MSH3: variants seen among roughly 807,000 people sequenced by gnomAD.
MSH3 encodes mutS homolog 3.
Under a neutral mutation model 123.3 loss-of-function variants are expected in MSH3, and 106 were observed. The ratio of observed to expected loss-of-function variants is 0.86; its 90% confidence interval spans 0.73 to 1.01. MSH3 has a LOEUF of 1.01. Among genes scored for constraint, MSH3 ranks in the 50% least tolerant of loss-of-function variants. The pLI, the probability that MSH3 is intolerant of heterozygous loss-of-function variation, is 0.00. For missense variants in MSH3, 1,459 were observed against 1,347.6 expected (o/e 1.08, Z -1.29); for synonymous variants, 515 against 481.4 (o/e 1.07, Z -0.91).
chr5:80,726,109 A>G (rs1205809854), intron 9 of MSH3, among the ~76,000 whole-genome samples: 1 of 152,220 alleles, frequency 6.6e-6, no homozygotes, highest in Non-Finnish European at 1.5e-5. Flanking sequence ...TATTTTAGGT[A>G]ATCATTATTT....
chr5:80,693,396 C>T lies in MSH3; in HGVS notation c.1340+14303C>T, dbSNP rs182980345. Among the ~76,000 whole-genome samples the T allele has an allele frequency of 3.4e-5, 2 of 58,044 alleles. 1 individual carries two copies. The highest frequency in any genetic ancestry group is 1.7e-4 in the African/African-American group (2 of 11,724). 38.1% of individuals were successfully genotyped at this position (58,044 alleles called of 152,430 possible). ...ACATGTATATGTTTATATAGATATA[C>T]ATGCACATGTATATGTTTATATAGA... On this transcript the variant is annotated intron_variant, in intron 8 of 23. Transcript: ENST00000265081.
In MSH3 at chr5:80,677,906, T is replaced by C. The variant is rs73765860; in HGVS notation, c.1174-1021T>C. Among the ~76,000 whole-genome samples the C allele has an allele frequency of 2.3e-3, 343 of 152,360 alleles. 2 individuals carry two copies. Among genetic ancestry groups the C allele is most frequent in the African/African-American group, 6.6e-3 (276 of 41,590 alleles). On this transcript the variant is annotated intron_variant, in intron 7 of 23. Coordinates refer to ENST00000265081, the MANE Select transcript of MSH3 (RefSeq NM_002439.5). ...CCTGTTGATGGACATGTGCATTCTT[T>C]CTAGTTTACAGTTGTACAGAGAATG...
intron 20 of MSH3, among the ~76,000 whole-genome samples, chr5:80,836,526 G>C (rs245377): frequency 0.29 from 36,108 of 126,458 alleles, 4,781 homozygotes; most frequent in East Asian, 0.35. Flanking sequence ...TGTCACATCA[G>C]CTCTTTGAAT....
chr5:80,768,632 A>G (rs1301836547), intron 14 of MSH3, among the ~76,000 whole-genome samples: 1 of 152,182 alleles, frequency 6.6e-6, no homozygotes. Flanking sequence ...GGAATCATGA[A>G]GTTAAAAAGC....
chr5:80,837,980 A>G (rs1423179278), intron 20 of MSH3, among the ~76,000 whole-genome samples: 2 of 152,228 alleles, frequency 1.3e-5, no homozygotes, highest in Non-Finnish European at 2.9e-5. Flanking sequence ...CTCAGCTCCT[A>G]GAGGATGCTT....
chr5:80,873,712 C>A (rs1746261637), intron 23 of MSH3, among the ~76,000 whole-genome samples: 1 of 152,110 alleles, frequency 6.6e-6, no homozygotes, highest in Admixed American at 6.5e-5. Flanking sequence ...ACATAACAGG[C>A]AATCACAGTC....
chr5:80,730,765 T>C (rs1300628915), intron 10 of MSH3, among the ~76,000 whole-genome samples: 1 of 151,914 alleles, frequency 6.6e-6, no homozygotes, highest in African/African-American at 2.4e-5. Context: ...TTTGTGTTCC[T>C]GTATCACCAA....
intron 19 of MSH3, among the ~76,000 whole-genome samples, chr5:80,798,223 T>C (rs1744732485): frequency 6.6e-6 from 1 of 152,052 alleles, no homozygotes; most frequent in African/African-American, 2.4e-5. Context: ...TGGGGCAGGG[T>C]AGACATTGAG....
At chr5:80,827,144 A>G (rs1745332129) in intron 20 of MSH3, among the ~76,000 whole-genome samples, 1 of 152,240 alleles carries the variant, frequency 6.6e-6, no homozygotes, top group African/African-American at 2.4e-5. Flanking sequence ...AAAGCAATGA[A>G]TTATTAAGTC....
intron 9 of MSH3, among the ~76,000 whole-genome samples, chr5:80,727,647 C>T (rs977820966): frequency 2.0e-5 from 3 of 152,072 alleles, no homozygotes; most frequent in African/African-American, 7.2e-5. Flanking sequence ...GGGATTTATT[C>T]GTTCAGCTAA....
intron 10 of MSH3, among the ~76,000 whole-genome samples, chr5:80,730,032 C>T (rs1343566408): frequency 6.6e-6 from 1 of 152,090 alleles, no homozygotes; most frequent in African/African-American, 2.4e-5. Flanking sequence ...CCTTGGGGTT[C>T]TTTTTGTAAT....
At chr5:80,797,096 G>A (rs1002716435) in intron 19 of MSH3, among the ~76,000 whole-genome samples, 2 of 54,774 alleles carry the variant, frequency 3.7e-5, no homozygotes, top group East Asian at 4.7e-4. Context: ...ACACCCACCC[G>A]ACTCCCCAGC....
intron 18 of MSH3, among the ~76,000 whole-genome samples, chr5:80,791,253 CA>C (rs1374170985): frequency 2.6e-5 from 4 of 152,080 alleles, no homozygotes; most frequent in African/African-American, 9.6e-5. Flanking sequence ...GTTGATAAGT[CA>C]AAAAATGAAA....
chr5:80,670,614 A>T (rs980572123), intron 4 of MSH3, among the ~76,000 whole-genome samples: 1 of 152,236 alleles, frequency 6.6e-6, no homozygotes, highest in Non-Finnish European at 1.5e-5. Context: ...AACCGTAATC[A>T]TGTAAATATG....
chr5:80,860,847 G>C lies in MSH3; in HGVS notation c.3001-3966G>C, dbSNP rs563923723. Among the ~76,000 whole-genome samples the C allele has an allele frequency of 2.0e-5, 3 of 152,078 alleles. No homozygotes were observed. The South Asian group carries it at 6.2e-4, about 32-fold the overall frequency. The stretch of plus-strand genomic sequence containing the variant: ...GTCTCAAACTTTTTGGATATTCTGA[G>C]GTTTTTTTCTAGTCTTTTTCTGTTT... On this transcript the variant is annotated intron_variant, in intron 21 of 23. Transcript: ENST00000265081.
chr5:80,800,247 A>G (rs113968634), intron 19 of MSH3, among the ~76,000 whole-genome samples: 146 of 152,334 alleles, frequency 9.6e-4, no homozygotes, highest in African/African-American at 3.3e-3. Flanking sequence ...GTTTGCTATC[A>G]TTAATTAATT....
intron 5 of MSH3, 46 bp from the exon 6 acceptor site, chr5:80,672,695 G>T: frequency 6.9e-7 from 1 of 1,453,420 alleles, no homozygotes; most frequent in Non-Finnish European, 9.7e-7. Context: ...GTTTTTACAA[G>T]TCATTTTTTA....
intron 10 of MSH3, among the ~76,000 whole-genome samples, chr5:80,730,895 T>TATATATA (rs60328336): frequency 1.4e-4 from 13 of 93,302 alleles, no homozygotes; most frequent in South Asian, 6.8e-4. Context: ...TATATATATA[T>TATATATA]TTTTTTTTTT....
At chr5:80,854,469 A>G (rs956081770) in intron 21 of MSH3, among the ~76,000 whole-genome samples, 153 bp downstream of exon 21, 2 of 152,242 alleles carry the variant, frequency 1.3e-5, no homozygotes, top group Non-Finnish European at 2.9e-5. Flanking sequence ...TAATTAACAC[A>G]TTCCTCACCT....
Sources: gnomAD v4.1 joint callset for allele counts (sites outside exome capture counted in the v4.1 genomes callset) on GRCh38, gnomAD v4.1.1 for gene constraint, MANE v1.5 for transcripts, NCBI Gene and HGNC (gene_info 2026-07-23, HGNC 2026-07-21) for gene names.